MDFIC2: variants seen among roughly 807,000 people sequenced by gnomAD.
MDFIC2 encodes MyoD family inhibitor domain containing 2, also known as myoD family inhibitor domain-containing protein 2.
At chr3:70,223,383 G>A (rs1405847142) in intron 2 of MDFIC2, among the ~76,000 whole-genome samples, 1 of 152,082 alleles carries the variant, frequency 6.6e-6, no homozygotes, top group Admixed American at 6.6e-5. Flanking sequence ...ACTGAGATGA[G>A]TGCAGAGCAC....
At chr3:70,272,400 A>T (rs1245963008) in intron 2 of MDFIC2, 1 of 152,150 alleles carries the variant, frequency 6.6e-6, no homozygotes, top group Admixed American at 6.5e-5. Context: ...CTTTCGCTCA[A>T]TATAATGCTT....
chr3:70,267,296 A>G (rs979621206), intron 2 of MDFIC2, among the ~76,000 whole-genome samples: 2 of 151,932 alleles, frequency 1.3e-5, no homozygotes, highest in East Asian at 1.9e-4. Context: ...TATTTCTACC[A>G]TATTCTAAAA....
At chr3:70,303,160 G>C (rs957965531) in intron 2 of MDFIC2, among the ~76,000 whole-genome samples, 1 of 152,204 alleles carries the variant, frequency 6.6e-6, no homozygotes, top group African/African-American at 2.4e-5. Flanking sequence ...GTGGAGAAGA[G>C]CATGGGTCAT....
In MDFIC2 at chr3:70,196,425, T is replaced by C. The variant is rs576738110; in HGVS notation, c.*501A>G. On this transcript the variant is annotated 3_prime_UTR_variant, in exon 4 of 4. Coordinates refer to ENST00000567252, the MANE Select transcript of MDFIC2 (RefSeq NM_001364677.1). ...TATAAGTGAATTTTAAGAGACTGTA[T>C]AAATAAATTTTTAATTACAAAATGA... Among the ~76,000 whole-genome samples, 1 of 152,244 alleles carries C rather than the reference T, an allele frequency of 6.6e-6. No individual in the cohort carries two copies. Among genetic ancestry groups the C allele is most frequent in the East Asian group, 1.9e-4 (1 of 5,186 alleles).
chr3:70,221,641 A>G (rs112518776), intron 2 of MDFIC2, among the ~76,000 whole-genome samples: 3,969 of 152,262 alleles, frequency 0.026, 77 homozygotes, highest in Non-Finnish European at 0.035. Context: ...TTTGGAAACC[A>G]GTATAATTCC....
At chr3:70,236,325 C>A (rs1450174240) in intron 2 of MDFIC2, among the ~76,000 whole-genome samples, 2 of 152,294 alleles carry the variant, frequency 1.3e-5, no homozygotes, top group East Asian at 3.9e-4. Flanking sequence ...ATTATCTCCC[C>A]TTAATCCATA....
At chr3:70,232,441 C>T (rs188274480) in intron 2 of MDFIC2, among the ~76,000 whole-genome samples, 6 of 150,864 alleles carry the variant, frequency 4.0e-5, no homozygotes, top group Admixed American at 4.0e-4. Flanking sequence ...CTCGCTCTGT[C>T]GCCAGGCTGG....
intron 2 of MDFIC2, among the ~76,000 whole-genome samples, chr3:70,258,058 A>G (rs1396439769): frequency 6.6e-6 from 1 of 152,216 alleles, no homozygotes; most frequent in African/African-American, 2.4e-5. Context: ...AGATGGTGCT[A>G]GAAGAACATC....
At chr3:70,293,275 A>G (rs1380953500) in intron 2 of MDFIC2, among the ~76,000 whole-genome samples, 1 of 152,102 alleles carries the variant, frequency 6.6e-6, no homozygotes, top group Non-Finnish European at 1.5e-5. Context: ...AGTATTACAA[A>G]GAAAAACAAT....
chr3:70,245,299 G>T (rs1011724086), intron 2 of MDFIC2, among the ~76,000 whole-genome samples: 2 of 151,806 alleles, frequency 1.3e-5, no homozygotes, highest in African/African-American at 4.8e-5. Flanking sequence ...AATTACTTTT[G>T]GATAACATTT....
chr3:70,249,308 G>A (rs1701737577), intron 2 of MDFIC2: 1 of 152,126 alleles, frequency 6.6e-6, no homozygotes, highest in Non-Finnish European at 1.5e-5. Context: ...CTTTCTGATG[G>A]AAGTTATAAT....
intron 2 of MDFIC2, among the ~76,000 whole-genome samples, chr3:70,259,582 T>A (rs11707285): frequency 0.074 from 11,230 of 152,136 alleles, 525 homozygotes; most frequent in East Asian, 0.13. Flanking sequence ...ATATTTTTAA[T>A]TTACTCCTCC....
At chr3:70,233,568 A>T (rs898454567) in intron 2 of MDFIC2, among the ~76,000 whole-genome samples, 10 of 152,318 alleles carry the variant, frequency 6.6e-5, no homozygotes, top group East Asian at 5.8e-4. Context: ...GTGCACCAAG[A>T]AGCCATCCCC....
intron 2 of MDFIC2, among the ~76,000 whole-genome samples, chr3:70,246,590 C>G (rs1433143608): frequency 6.6e-6 from 1 of 151,936 alleles, no homozygotes. Context: ...AAGGATGTTC[C>G]ATGAAATACG....
intron 2 of MDFIC2, among the ~76,000 whole-genome samples, chr3:70,253,177 A>G (rs905678591): frequency 6.6e-6 from 1 of 152,216 alleles, no homozygotes; most frequent in Non-Finnish European, 1.5e-5. Flanking sequence ...CAGGTGAGTG[A>G]GATACAACAT....
chr3:70,201,560 C>T (rs1701239801), intron 3 of MDFIC2, among the ~76,000 whole-genome samples: 1 of 152,122 alleles, frequency 6.6e-6, no homozygotes, highest in Admixed American at 6.6e-5. Context: ...TATTATGATC[C>T]CTGTTTATGG....
At chr3:70,268,542 G>C (rs539771665) in intron 2 of MDFIC2, among the ~76,000 whole-genome samples, 1 of 150,304 alleles carries the variant, frequency 6.7e-6, no homozygotes, top group African/African-American at 2.4e-5. Flanking sequence ...AACCTACACT[G>C]ACACATCAAC....
chr3:70,278,157 G>A (rs886389887), intron 2 of MDFIC2, among the ~76,000 whole-genome samples: 1 of 151,960 alleles, frequency 6.6e-6, no homozygotes, highest in Non-Finnish European at 1.5e-5. Context: ...TATTTTGCCT[G>A]TTCTTATATA....
At chr3:70,261,200 G>A (rs144242253) in intron 2 of MDFIC2, among the ~76,000 whole-genome samples, 3 of 152,222 alleles carry the variant, frequency 2.0e-5, no homozygotes, top group African/African-American at 7.2e-5. Flanking sequence ...AAAGACATTT[G>A]GTGGTCAAAG....
Sources: gnomAD v4.1 joint callset for allele counts (sites outside exome capture counted in the v4.1 genomes callset) on GRCh38, gnomAD v4.1.1 for gene constraint, MANE v1.5 for transcripts, NCBI Gene and HGNC (gene_info 2026-07-23, HGNC 2026-07-21) for gene names.